The following ASXL1 variants were observed in gnomAD, a reference collection of about 807,000 sequenced individuals.
The protein encoded by ASXL1 is ASXL transcriptional regulator 1.
A neutral mutation model predicts 89.1 loss-of-function variants in ASXL1; 65 were observed. The ratio of observed to expected loss-of-function variants is 0.73; its 90% CI spans 0.60 to 0.90. ASXL1 has a LOEUF of 0.90. Among genes scored for constraint, ASXL1 ranks in the 40% least tolerant of loss-of-function variants. The pLI, the probability that ASXL1 is intolerant of heterozygous loss-of-function variation, is 0.00. For synonymous variants in ASXL1, 739 were observed against 746.9 expected (o/e 0.99, Z 0.17); for missense variants, 1,786 against 1,942.9 (o/e 0.92, Z 1.52).
At chr20:32,375,555 CCATATT>C (rs376576120) in intron 4 of ASXL1, among the ~76,000 whole-genome samples, 1 of 152,180 alleles carries the variant, frequency 6.6e-6, no homozygotes, top group East Asian at 1.9e-4. Flanking sequence ...AATACATAGT[CCATATT>C]CAAATTTTTC....
rs55820705 is a variant in ASXL1 at position 32,437,764 on chromosome 20, T to C, written c.*426T>C. On this transcript the variant is annotated 3_prime_UTR_variant, in exon 13 of 13. Transcript: ENST00000375687. ...CCCTGCCATCTTTTCTTCTGCTACT[T>C]TGGGGAGTTGATGGCCAGGAAAGAA... 5.9e-3 allele frequency: 1,687 copies of C among 287,880 alleles called. 35 individuals carry two copies. The highest frequency in any genetic ancestry group is 0.033 in the African/African-American group (1,554 of 46,908). The allele number at this position is 287,880 out of a possible 1,614,324, so 17.8% of individuals were successfully genotyped here. A position where few individuals can be genotyped will look rare whatever the true frequency, so the allele number is the denominator to read the frequency against.
intron 4 of ASXL1, among the ~76,000 whole-genome samples, chr20:32,395,482 A>T (rs144169956): frequency 3.4e-4 from 52 of 151,952 alleles, no homozygotes; most frequent in African/African-American, 1.2e-3. Context: ...TTTATTATAT[A>T]CTTTGTTGTA....
At chr20:32,384,432 G>A (rs528852210) in intron 4 of ASXL1, among the ~76,000 whole-genome samples, 1 of 152,104 alleles carries the variant, frequency 6.6e-6, no homozygotes, top group Non-Finnish European at 1.5e-5. Flanking sequence ...CTAACCTCAA[G>A]TGATCCACTT....
chr20:32,376,722 C>A (rs550070164), intron 4 of ASXL1, among the ~76,000 whole-genome samples: 215 of 150,560 alleles, frequency 1.4e-3, no homozygotes, highest in Non-Finnish European at 2.5e-3. Flanking sequence ...AGTTTTTTCT[C>A]CTCCGTACTT....
intron 4 of ASXL1, among the ~76,000 whole-genome samples, chr20:32,426,256 C>A (rs2011281084): frequency 6.6e-6 from 1 of 151,938 alleles, no homozygotes; most frequent in African/African-American, 2.4e-5. Context: ...AGCATGTGAA[C>A]CTTTTTATGC....
chr20:32,359,738 G>C (rs768513788), intron 1 of ASXL1: 2 of 718,032 alleles, frequency 2.8e-6, no homozygotes, highest in East Asian at 2.7e-5. Context: ...AAGCCGTCTC[G>C]TTCAACCGAT....
In ASXL1 at chr20:32,390,527, C is replaced by T. The variant is rs546896038; in HGVS notation, c.252+21404C>T. On this transcript the variant is annotated intron_variant, in intron 4 of 12. Transcript: ENST00000375687. Reference sequence around the variant, plus strand: ...TCTCACTGTCACCCAGGCTGGAATGCAGTGGCATGATCGTAGCTCACTGCA... The same window carrying T: ...TCTCACTGTCACCCAGGCTGGAATGTAGTGGCATGATCGTAGCTCACTGCA... Among the ~76,000 whole-genome samples, 5 of 152,194 alleles carry T rather than the reference C, an allele frequency of 3.3e-5. No homozygotes were observed. In the South Asian group the frequency reaches 1.0e-3, roughly 32 times the overall value.
chr20:32,363,077 A>G (rs144115369), intron 1 of ASXL1, among the ~76,000 whole-genome samples: 2 of 152,322 alleles, frequency 1.3e-5, no homozygotes, highest in East Asian at 1.9e-4. Flanking sequence ...GAGACTAGGA[A>G]TAGAACACTG....
chr20:32,433,130 G>A, intron 11 of ASXL1, 145 bp downstream of exon 11: 3 of 1,531,438 alleles, frequency 2.0e-6, no homozygotes, highest in Non-Finnish European at 2.6e-6. Flanking sequence ...GCCATTCATA[G>A]TGAAGCTAAC....
At chr20:32,384,198 GTTTTTT>G (rs71187115) in intron 4 of ASXL1, among the ~76,000 whole-genome samples, 962 of 77,230 alleles carry the variant, frequency 0.012, 15 homozygotes, top group African/African-American at 0.044. Context: ...GCAGCAGTCT[GTTTTTT>G]TTTTTTTTTT....
chr20:32,399,191 A>T (rs2048825346), intron 4 of ASXL1, among the ~76,000 whole-genome samples: 1 of 151,918 alleles, frequency 6.6e-6, no homozygotes, highest in South Asian at 2.1e-4. Flanking sequence ...AGCCTGGGCG[A>T]CAAGAGCAAG....
At chr20:32,424,265 T>TACCTA (rs2011211920) in intron 4 of ASXL1, among the ~76,000 whole-genome samples, 1 of 152,194 alleles carries the variant, frequency 6.6e-6, no homozygotes, top group African/African-American at 2.4e-5. Context: ...CTAGGTACGG[T>TACCTA]GGCTCACACC....
rs1026298584 is a variant in ASXL1 at position 32,433,395 on chromosome 20, A to G, written c.1197A>G (p.Pro399=). 1.2e-6 allele frequency: 2 copies of G among 1,614,216 alleles called. No homozygotes were observed. Among genetic ancestry groups the G allele is most frequent in the Non-Finnish European group, 1.7e-6 (2 of 1,180,040 alleles). The part of the protein sequence containing the change: ...PGESVRIQRG[P]ATRQRDGHFK... ...AATCAGTGCGTATACAGCGTGGTCCAGCCACCCGACAGCGAGATGGGCATT... is the reference window on the plus strand; with the variant it reads ...AATCAGTGCGTATACAGCGTGGTCCGGCCACCCGACAGCGAGATGGGCATT... Residue 399 remains proline, a synonymous_variant, in exon 12 of 13, where the codon CCA becomes CCG. Coordinates refer to ENST00000375687, the MANE Select transcript of ASXL1 (RefSeq NM_015338.6).
At chr20:32,375,353 G>A (rs2122876975) in intron 4 of ASXL1, among the ~76,000 whole-genome samples, 1 of 151,894 alleles carries the variant, frequency 6.6e-6, no homozygotes, top group Non-Finnish European at 1.5e-5. Flanking sequence ...GGAGGCTGAG[G>A]CTGGAGAATC....
chr20:32,378,298 G>C (rs2048423920), intron 4 of ASXL1, among the ~76,000 whole-genome samples: 1 of 151,778 alleles, frequency 6.6e-6, no homozygotes, highest in East Asian at 1.9e-4. Flanking sequence ...AGGATTATAG[G>C]CGTGAACCAC....
Position 32,437,215 on chromosome 20 carries a change from C to A in ASXL1, c.4503C>A (p.Ser1501Arg). 6.2e-7 allele frequency: 1 copy of A among 1,613,592 alleles called. No homozygotes were observed. Among genetic ancestry groups the A allele is most frequent in the Non-Finnish European group, 8.5e-7 (1 of 1,179,492 alleles). ...QMFTDSSTVE[S>R]ISLQCACSLK... is the part of the protein sequence containing the mutation. ...TCACTGACAGCAGCACGGTGGAAAG[C>A]ATCTCGCTCCAGTGTGCGTGCAGCC... Residue 1501 changes from serine (S) to arginine (R), a missense_variant, in exon 13 of 13, where the codon AGC (serine) becomes AGA (arginine). Ser to Arg is a moderately radical substitution (Grantham distance 110). Transcript: ENST00000375687.
intron 4 of ASXL1, chr20:32,371,728 C>T (rs547755953): frequency 3.3e-4 from 142 of 436,864 alleles, no homozygotes; most frequent in African/African-American, 2.3e-3. Flanking sequence ...ACCTCAGCCT[C>T]CCGAGTAGCG....
intron 1 of ASXL1, 141 bp from the exon 2 acceptor site, chr20:32,366,243 G>C (rs975964033): frequency 1.1e-4 from 83 of 738,904 alleles, no homozygotes; most frequent in Middle Eastern, 8.3e-4. Context: ...TGTGTAATTT[G>C]ATTTCTGAAG....
At position 32,367,984 on chromosome 20, in the gene ASXL1, G is replaced by A. The variant is rs964422753; in HGVS notation, c.143+255G>A. ...GGTTTCTTTTAGAGATTGGTTCTTG[G>A]TGAAAAATTTTTTAGCATCCAGTGT... On this transcript the variant is annotated intron_variant, in intron 3 of 12. Coordinates refer to ENST00000375687, the MANE Select transcript of ASXL1 (RefSeq NM_015338.6). Among the ~76,000 whole-genome samples the A allele has an allele frequency of 9.2e-5, 14 of 152,302 alleles. No individual in the cohort carries two copies. The South Asian group carries it at 2.5e-3, about 27-fold the overall frequency.
Sources: allele counts gnomAD v4.1 joint callset (sites outside exome capture counted in the v4.1 genomes callset), GRCh38; gene constraint gnomAD v4.1.1; transcripts MANE v1.5; gene names NCBI Gene and HGNC (gene_info 2026-07-23, HGNC 2026-07-21).